The following ARHGEF28 variants were observed in gnomAD, a reference collection of about 807,000 sequenced individuals.
The protein encoded by ARHGEF28 is 190 kDa guanine nucleotide exchange factor.
Under a neutral mutation model 206.6 loss-of-function variants are expected in ARHGEF28, and 152 were observed. The observed-to-expected ratio is 0.74, with a 90% CI of 0.64 to 0.84. The LOEUF (loss-of-function observed/expected upper bound fraction) is 0.84, where lower values mean the gene tolerates loss of function less well. Ranked by LOEUF, ARHGEF28 falls within the 40% of genes least tolerant of loss-of-function variation. ARHGEF28 has a pLI of 0.00. For missense variants in ARHGEF28, 2,028 were observed against 2,073.2 expected (o/e 0.98, Z 0.42); for synonymous variants, 763 against 776.4 (o/e 0.98, Z 0.29).
At chr5:73,780,781 G>T in intron 7 of ARHGEF28, 36 bp downstream of exon 7, 1 of 1,547,042 alleles carries the variant, frequency 6.5e-7, no homozygotes. Context: ...GGCAGCCACA[G>T]AGTGCTCTGG....
intron 9 of ARHGEF28, among the ~76,000 whole-genome samples, chr5:73,829,440 G>A (rs1052561995): frequency 2.6e-5 from 4 of 152,088 alleles, no homozygotes; most frequent in African/African-American, 9.7e-5. Context: ...GAGTGCAGTG[G>A]CGCAATCTCG....
At chr5:73,894,692 C>A in intron 29 of ARHGEF28, 117 bp downstream of exon 29, 1 of 1,217,950 alleles carries the variant, frequency 8.2e-7, no homozygotes, top group Non-Finnish European at 1.1e-6. Context: ...AAGACAAGGT[C>A]CTTACTCGGC....
chr5:73,629,190 T>C (rs574169359), intron 1 of ARHGEF28, among the ~76,000 whole-genome samples: 23 of 152,176 alleles, frequency 1.5e-4, no homozygotes, highest in Non-Finnish European at 3.1e-4. Context: ...TTTTGCACAC[T>C]CCACATTAAG....
intron 2 of ARHGEF28, among the ~76,000 whole-genome samples, chr5:73,744,105 A>G (rs562768833): frequency 1.3e-5 from 2 of 152,288 alleles, no homozygotes; most frequent in East Asian, 1.9e-4. Context: ...CACTGTATAA[A>G]TTGTGGTGTG....
At chr5:73,695,960 A>T (rs1056959918) in intron 2 of ARHGEF28, among the ~76,000 whole-genome samples, 10 of 152,274 alleles carry the variant, frequency 6.6e-5, no homozygotes, top group Middle Eastern at 3.4e-3. Flanking sequence ...TTTTCGTTCC[A>T]TATCCAGGAA....
intron 9 of ARHGEF28, among the ~76,000 whole-genome samples, chr5:73,826,144 A>T (rs992109768): frequency 2.0e-5 from 3 of 152,184 alleles, no homozygotes; most frequent in African/African-American, 7.2e-5. Context: ...GAGGATAAGG[A>T]CAGGAAATGA....
At chr5:73,724,651 C>T (rs545645375) in intron 2 of ARHGEF28, among the ~76,000 whole-genome samples, 57 of 152,322 alleles carry the variant, frequency 3.7e-4, no homozygotes, top group African/African-American at 1.4e-3. Flanking sequence ...TAATTGGAAT[C>T]CTATGTTATG....
At chr5:73,759,101 G>A (rs567990707) in intron 4 of ARHGEF28, among the ~76,000 whole-genome samples, 5 of 152,190 alleles carry the variant, frequency 3.3e-5, no homozygotes, top group South Asian at 4.2e-4. Flanking sequence ...TGGTTGGAGA[G>A]CTGTCCCCAA....
chr5:73,930,741 C>T (rs570253791), intron 35 of ARHGEF28, among the ~76,000 whole-genome samples: 1 of 152,248 alleles, frequency 6.6e-6, no homozygotes, highest in Non-Finnish European at 1.5e-5. Context: ...CTATGTTTTC[C>T]TCCAAAGCTC....
intron 1 of ARHGEF28, among the ~76,000 whole-genome samples, chr5:73,671,503 T>C (rs577029049): frequency 1.3e-5 from 2 of 152,134 alleles, no homozygotes; most frequent in South Asian, 4.2e-4. Flanking sequence ...CTTGTCTATG[T>C]GATTTATTAC....
At chr5:73,765,000 T>G (rs77316052) in intron 4 of ARHGEF28, among the ~76,000 whole-genome samples, 1 of 152,140 alleles carries the variant, frequency 6.6e-6, no homozygotes, top group African/African-American at 2.4e-5. Context: ...ATAATTTTTT[T>G]CATTGTACTT....
intron 27 of ARHGEF28, 27 bp downstream of exon 27, chr5:73,892,257 A>T (rs1477367777): frequency 1.3e-6 from 2 of 1,548,226 alleles, no homozygotes; most frequent in Non-Finnish European, 1.7e-6. Context: ...TCCATAATCT[A>T]TGGAACAGAG....
intron 1 of ARHGEF28, among the ~76,000 whole-genome samples, chr5:73,640,295 A>T (rs1306077662): frequency 6.6e-6 from 1 of 152,214 alleles, no homozygotes; most frequent in Non-Finnish European, 1.5e-5. Flanking sequence ...GTGATTCAAT[A>T]AGCAATATAT....
At chr5:73,771,910 G>A (rs1753247519) in intron 4 of ARHGEF28, among the ~76,000 whole-genome samples, 1 of 152,136 alleles carries the variant, frequency 6.6e-6, no homozygotes, top group African/African-American at 2.4e-5. Flanking sequence ...TCTGGCAGGA[G>A]TGTATTGCCT....
At chr5:73,804,722 C>T (rs1281792680) in intron 9 of ARHGEF28, among the ~76,000 whole-genome samples, 1 of 151,824 alleles carries the variant, frequency 6.6e-6, no homozygotes, top group African/African-American at 2.4e-5. Flanking sequence ...CATCATTACA[C>T]TGAGAATTAT....
intron 26 of ARHGEF28, 85 bp from the exon 27 acceptor site, chr5:73,891,967 C>T (rs1761670056): frequency 3.1e-6 from 4 of 1,290,528 alleles, no homozygotes; most frequent in Non-Finnish European, 4.3e-6. Flanking sequence ...TTACCTAGTA[C>T]TCTTGCTTCC....
At chr5:73,666,134 A>G (rs1395731002) in intron 1 of ARHGEF28, among the ~76,000 whole-genome samples, 2 of 152,224 alleles carry the variant, frequency 1.3e-5, no homozygotes, top group Non-Finnish European at 2.9e-5. Flanking sequence ...AGGGAAAAGA[A>G]GGCAAGAAAA....
At chr5:73,915,659 C>T (rs921573424) in intron 35 of ARHGEF28, among the ~76,000 whole-genome samples, 1 of 152,088 alleles carries the variant, frequency 6.6e-6, no homozygotes, top group African/African-American at 2.4e-5. Context: ...AATAAAAAAA[C>T]CCAACATTTT....
intron 34 of ARHGEF28, 146 bp downstream of exon 34, chr5:73,910,043 C>A: frequency 7.8e-7 from 1 of 1,278,604 alleles, no homozygotes; most frequent in Non-Finnish European, 1.0e-6. Context: ...GTAGCCAAAG[C>A]TGGAAGCTTT....
Sources: allele counts gnomAD v4.1 joint callset (sites outside exome capture counted in the v4.1 genomes callset), GRCh38; gene constraint gnomAD v4.1.1; transcripts MANE v1.5; gene names NCBI Gene and HGNC (gene_info 2026-07-23, HGNC 2026-07-21).